Variants in NOX4 observed in about 807,000 individuals in gnomAD.
NOX4 encodes the protein kidney oxidase-1.
In NOX4, 69 loss-of-function variants were observed where a neutral mutation model predicts 87.6. The observed-to-expected ratio is 0.79, with a 90% CI of 0.65 to 0.96. The LOEUF is 0.96. NOX4 is among the 40% of genes least tolerant of loss of function. NOX4 has a pLI of 0.00. For synonymous variants in NOX4, 275 were observed against 238.2 expected, an observed-to-expected ratio of 1.15 and a Z score of -1.42; for missense variants, 680 against 681.5, an observed-to-expected ratio of 1.00 and a Z score of 0.02.
At chr11:89,357,356 T>C (rs1938148332) in intron 12 of NOX4, among the ~76,000 whole-genome samples, 1 of 152,144 alleles carries the variant, frequency 6.6e-6, no homozygotes, top group Non-Finnish European at 1.5e-5. Flanking sequence ...TTATACTCTT[T>C]TAGTTCACAT....
the NOX4 span, among the ~76,000 whole-genome samples, chr11:89,532,881 C>G: frequency 5.9e-5 from 9 of 152,074 alleles, no homozygotes; most frequent in African/African-American, 2.2e-4. Context: ...GTGGCATTTC[C>G]CTGCTCACTC....
chr11:89,548,229 T>C, the NOX4 span: 2 of 152,156 alleles, frequency 1.3e-5, no homozygotes, highest in East Asian at 3.9e-4. Flanking sequence ...TGGAAAGTAA[T>C]TAGGTAATAA....
the NOX4 span, among the ~76,000 whole-genome samples, chr11:89,536,098 G>C: frequency 2.0e-5 from 3 of 148,476 alleles, no homozygotes; most frequent in South Asian, 6.4e-4. Flanking sequence ...ATTCAGTAAA[G>C]CTCAGGGTTC....
At chr11:89,581,533 C>G in the NOX4 span, among the ~76,000 whole-genome samples, 9 of 152,080 alleles carry the variant, frequency 5.9e-5, no homozygotes, top group Admixed American at 5.9e-4. Flanking sequence ...TTTGAAAATA[C>G]TCGAATCTGA....
At chr11:89,424,386 A>AAACCT (rs1943259312) in intron 7 of NOX4, among the ~76,000 whole-genome samples, 1 of 150,716 alleles carries the variant, frequency 6.6e-6, no homozygotes, top group Admixed American at 6.6e-5. Flanking sequence ...TTATTTCCAG[A>AAACCT]AAAAGTAGAT....
the NOX4 span, among the ~76,000 whole-genome samples, chr11:89,527,714 G>C: frequency 6.6e-6 from 1 of 152,210 alleles, no homozygotes; most frequent in Non-Finnish European, 1.5e-5. Context: ...GGGAACCTGT[G>C]CCTAGATTTC....
chr11:89,440,720 G>C lies in NOX4; in HGVS notation c.448-5C>G, dbSNP rs752370955. 1 of 1,486,250 alleles carries C rather than the reference G, an allele frequency of 6.7e-7. No individual in the cohort carries two copies. Among genetic ancestry groups the C allele is most frequent in the Admixed American group, 1.9e-5 (1 of 52,408 alleles). The allele number at this position is 1,486,250 out of a possible 1,614,324, so 92.1% of individuals were successfully genotyped here. A position where few individuals can be genotyped will look rare whatever the true frequency, so the allele number is the denominator to read the frequency against. ...GAAGAGAAGTTTTCTAGGATCCTGA[G>C]AAAAAGAAAAAAAAATAAATGATTA... On this transcript the variant is annotated splice_region_variant and splice_polypyrimidine_tract_variant and intron_variant, in intron 5 of 17. Coordinates refer to ENST00000263317, the MANE Select transcript of NOX4 (RefSeq NM_016931.5).
intron 12 of NOX4, among the ~76,000 whole-genome samples, chr11:89,372,612 G>A (rs561040109): frequency 2.2e-4 from 34 of 151,974 alleles, no homozygotes; most frequent in African/African-American, 7.9e-4. Flanking sequence ...TTCAAATTCT[G>A]TCTTTTCTGT....
At chr11:89,571,309 C>CT in the NOX4 span, among the ~76,000 whole-genome samples, 14 of 144,498 alleles carry the variant, frequency 9.7e-5, no homozygotes, top group South Asian at 4.4e-4. Flanking sequence ...CTGATTTATA[C>CT]TTTTTTTTTT....
At chr11:89,489,705 G>C (rs554942192) in intron 2 of NOX4, among the ~76,000 whole-genome samples, 11 of 143,832 alleles carry the variant, frequency 7.6e-5, no homozygotes, top group African/African-American at 1.5e-4. Flanking sequence ...TCCAGCCTGG[G>C]CATCGCAGCA....
At chr11:89,539,157 G>A in the NOX4 span, among the ~76,000 whole-genome samples, 7,092 of 152,234 alleles carry the variant, frequency 0.047, 378 homozygotes, top group African/African-American at 0.13. Flanking sequence ...TTTTGGGCAG[G>A]ATGCGGTGGC....
chr11:89,451,711 G>T, intron 3 of NOX4, 74 bp downstream of exon 3: 1 of 1,032,532 alleles, frequency 9.7e-7, no homozygotes, highest in Non-Finnish European at 1.5e-6. Flanking sequence ...ACTATGAAAA[G>T]TAAACAAACT....
At chr11:89,371,691 A>G (rs528194062) in intron 12 of NOX4, among the ~76,000 whole-genome samples, 1 of 151,812 alleles carries the variant, frequency 6.6e-6, no homozygotes, top group Non-Finnish European at 1.5e-5. Flanking sequence ...GAAAAAAAAA[A>G]CACTGTGATA....
intron 8 of NOX4, among the ~76,000 whole-genome samples, chr11:89,408,465 T>G (rs192934466): frequency 1.3e-5 from 2 of 152,208 alleles, no homozygotes; most frequent in Non-Finnish European, 2.9e-5. Context: ...TAAAGTCTAC[T>G]TGCTAGGTGC....
chr11:89,442,159 A>G lies in NOX4; in HGVS notation c.448-1444T>C, dbSNP rs570839673. The stretch of plus-strand genomic sequence containing the variant: ...TAAAAAGAGAGAAAAAAGCATAAAG[A>G]GAGACATGAAAGAAGGAATACAAGA... On this transcript the variant is annotated intron_variant, in intron 5 of 17. Coordinates refer to ENST00000263317, the MANE Select transcript of NOX4 (RefSeq NM_016931.5). Among the ~76,000 whole-genome samples the G allele has an allele frequency of 9.2e-5, 14 of 151,760 alleles. No individual in the cohort carries two copies. The South Asian group carries it at 2.7e-3, about 29-fold the overall frequency.
At chr11:89,341,523 C>T (rs1277754393) in intron 14 of NOX4, among the ~76,000 whole-genome samples, 1 of 152,174 alleles carries the variant, frequency 6.6e-6, no homozygotes, top group East Asian at 1.9e-4. Flanking sequence ...AAAAGCCTGA[C>T]CATACTTCAA....
chr11:89,449,275 A>G (rs1944841843), intron 4 of NOX4, among the ~76,000 whole-genome samples, 165 bp downstream of exon 4: 1 of 152,210 alleles, frequency 6.6e-6, no homozygotes, highest in African/African-American at 2.4e-5. Flanking sequence ...TAATGACATT[A>G]TATGTTAATA....
At chr11:89,465,559 G>C (rs112407127) in intron 2 of NOX4, among the ~76,000 whole-genome samples, 5,566 of 152,236 alleles carry the variant, frequency 0.037, 344 homozygotes, top group African/African-American at 0.13. Flanking sequence ...TTGCCACACT[G>C]TCTTCCACAA....
At chr11:89,497,781 G>A (rs1946974544) in intron 1 of NOX4, among the ~76,000 whole-genome samples, 1 of 152,134 alleles carries the variant, frequency 6.6e-6, no homozygotes, top group South Asian at 2.1e-4. Context: ...AACATCAGTA[G>A]GGTCTCAGTA....
Sources: gnomAD v4.1 joint callset for allele counts (sites outside exome capture counted in the v4.1 genomes callset) on GRCh38, gnomAD v4.1.1 for gene constraint, MANE v1.5 for transcripts, NCBI Gene and HGNC (gene_info 2026-07-23, HGNC 2026-07-21) for gene names.